MYH3: variants seen among roughly 807,000 people sequenced by gnomAD.
MYH3 encodes the protein myosin-3.
Under a neutral mutation model 238.0 loss-of-function variants are expected in MYH3, and 130 were observed. The observed-to-expected ratio is 0.55, with a 90% confidence interval of 0.47 to 0.63. The LOEUF (loss-of-function observed/expected upper bound fraction) is 0.63. Ranked by LOEUF, MYH3 falls within the 30% of genes least tolerant of loss-of-function variation. MYH3 has a pLI of 0.00. For missense variants in MYH3, 1,853 were observed against 2,374.9 expected, an observed-to-expected ratio of 0.78 and a Z score of 4.57; for synonymous variants, 880 against 924.1, an observed-to-expected ratio of 0.95 and a Z score of 0.86.
At chr17:10,644,801 G>T (rs2142408893) in intron 12 of MYH3, 99 bp from the exon 13 acceptor site, 1 of 925,874 alleles carries the variant, frequency 1.1e-6, no homozygotes, top group Non-Finnish European at 1.8e-6. Flanking sequence ...TTGGTACATT[G>T]TGCATTCCCT....
At chr17:10,650,333 G>C in intron 6 of MYH3, 41 bp downstream of exon 6, 1 of 1,581,964 alleles carries the variant, frequency 6.3e-7, no homozygotes, top group Non-Finnish European at 8.7e-7. Flanking sequence ...AATAGAGCCA[G>C]TGGCACAGCT....
chr17:10,673,559 C>G, the MYH3 span: 1 of 152,266 alleles, frequency 6.6e-6, no homozygotes. Flanking sequence ...TCTTCTGTAA[C>G]TAAGACGGCC....
At position 10,642,833 on chromosome 17, in the gene MYH3, A is replaced by T. The variant is rs1357281263; in HGVS notation, c.1574T>A (p.Ile525Asn). 3.1e-6 allele frequency: 5 copies of T among 1,613,992 alleles called. No individual in the cohort carries two copies. The highest frequency in any genetic ancestry group is 4.2e-6 in the Non-Finnish European group (5 of 1,179,998). The part of the protein sequence containing the change: ...GMDLAACIEL[I>N]EKPMGIFSIL... ...GGGGATGGAACTGGATACCTTCTCGATGAGCTCGATGCAGGCAGCCAGGTC... is the reference window on the plus strand; with the variant it reads ...GGGGATGGAACTGGATACCTTCTCGTTGAGCTCGATGCAGGCAGCCAGGTC... The change falls in exon 15 of 41, where the codon ATC becomes AAC. Residue 525 changes from isoleucine (I) to asparagine (N), a missense_variant. Physicochemically the swap from Ile to Asn is moderately radical, Grantham distance 149. This residue lies in a region of MYH3 where 678 missense variants were observed against 1,058.9 expected (regional missense o/e 0.64). Coordinates refer to ENST00000583535, the MANE Select transcript of MYH3 (RefSeq NM_002470.4). The surrounding 1 kb of genome is among the most constrained non-coding windows in gnomAD (Gnocchi z 5.4).
chr17:10,639,943 A>C, intron 22 of MYH3, 53 bp downstream of exon 22: 3 of 1,592,918 alleles, frequency 1.9e-6, no homozygotes, highest in Non-Finnish European at 2.6e-6. Flanking sequence ...TTTCTAAATA[A>C]ATAATCAAAT....
In MYH3 at chr17:10,654,843, G is replaced by A; in HGVS notation, c.204+18C>T. 1 of 1,610,632 alleles carries A rather than the reference G, an allele frequency of 6.2e-7. No individual in the cohort carries two copies. The highest frequency in any genetic ancestry group is 8.5e-7 in the Non-Finnish European group (1 of 1,176,802). On this transcript the variant is annotated intron_variant, in intron 3 of 40. Transcript: ENST00000583535. The surrounding 1 kb of genome is among the most constrained non-coding windows in gnomAD (Gnocchi z 4.5). Reference sequence around the variant, plus strand: ...CCAGGTGGAGGGCCAGCAGCCTGTGGAGGGTACAGAGCCTTACCCTGTTGT... The same window carrying A: ...CCAGGTGGAGGGCCAGCAGCCTGTGAAGGGTACAGAGCCTTACCCTGTTGT...
intron 12 of MYH3, 123 bp downstream of exon 12, chr17:10,645,584 A>C: frequency 7.8e-7 from 1 of 1,285,556 alleles, no homozygotes; most frequent in South Asian, 1.2e-5. Flanking sequence ...CAGCCTCCCA[A>C]AGTGCTGGGA....
At chr17:10,645,586 G>C in intron 12 of MYH3, 121 bp downstream of exon 12, 1 of 1,296,736 alleles carries the variant, frequency 7.7e-7, no homozygotes, top group South Asian at 1.2e-5. Flanking sequence ...GCCTCCCAAA[G>C]TGCTGGGATT....
rs78417443 is a variant in MYH3 at position 10,631,456 on chromosome 17, G to A, written c.5286+155C>T. 8.5e-5 allele frequency among the ~76,000 whole-genome samples: 13 copies of A among 152,198 alleles called. No individual in the cohort carries two copies. In the East Asian group the frequency reaches 2.1e-3, roughly 25 times the overall value. On this transcript the variant is annotated intron_variant, in intron 36 of 40. Coordinates refer to ENST00000583535, the MANE Select transcript of MYH3 (RefSeq NM_002470.4). ...CTTATGCCCTTCTTCTAAAGTGCAG[G>A]AGGGAACAGGGGAGTTTGAGCGGAG...
In MYH3 at chr17:10,642,897, T is replaced by C; in HGVS notation, c.1510A>G (p.Lys504Glu). 12 of 1,614,158 alleles carry C rather than the reference T, an allele frequency of 7.4e-6. No individual in the cohort carries two copies. Among genetic ancestry groups the C allele is most frequent in the Non-Finnish European group, 1.0e-5 (12 of 1,180,016 alleles). Reference protein sequence around the residue: ...MFVLEQEEYKKEGIEWTFIDF... With the variant: ...MFVLEQEEYKEEGIEWTFIDF... ...ATGAACGTCCACTCGATGCCTTCCT[T>C]CTTGTACTCCTCCTGCTCCAGCACG... The change falls in exon 15 of 41, where the codon AAG becomes GAG. Residue 504 changes from lysine to glutamate, a missense_variant. By Grantham distance (56) the Lys-to-Glu change is moderately conservative. Transcript: ENST00000583535. The surrounding 1 kb of genome is among the most constrained non-coding windows in gnomAD (Gnocchi z 5.4).
Position 10,640,072 on chromosome 17 carries a change from G to T in MYH3, c.2606C>A (p.Ala869Glu). The T allele has an allele frequency of 6.2e-7, 1 of 1,613,216 alleles. No homozygotes were observed. The change falls in exon 22 of 41, where the codon GCA (alanine) becomes GAA (glutamate). Residue 869 changes from alanine to glutamate, a missense_variant. Ala to Glu is a moderately radical substitution (Grantham distance 107). Transcript: ENST00000583535. ...TTTTTCCTCTAGCTCCTTCCTTTTT[G>T]CCTCCGACTTGGCGAGTTCATCTTT... The part of the protein sequence containing the change: ...KTKDELAKSE[A>E]KRKELEEKLV...
At chr17:10,653,039 C>T (rs907347860) in intron 3 of MYH3, among the ~76,000 whole-genome samples, 6 of 152,114 alleles carry the variant, frequency 3.9e-5, no homozygotes, top group Non-Finnish European at 8.8e-5. Flanking sequence ...GGCTATGGGG[C>T]GGCTTGTGGT....
the MYH3 span, chr17:10,674,991 A>G: frequency 6.6e-6 from 1 of 152,292 alleles, no homozygotes; most frequent in African/African-American, 2.4e-5. Flanking sequence ...CCAACAAGGA[A>G]TGTGCCCACT....
upstream of MYH3, among the ~76,000 whole-genome samples, chr17:10,661,140 C>A (rs1429469236): frequency 6.6e-6 from 1 of 151,604 alleles, no homozygotes; most frequent in African/African-American, 2.4e-5. Flanking sequence ...CCATGCCTGG[C>A]TAATTTTTGT....
chr17:10,654,587 G>A lies in MYH3; in HGVS notation c.204+274C>T, dbSNP rs1802611317. Among the ~76,000 whole-genome samples, 1 of 152,202 alleles carries A rather than the reference G, an allele frequency of 6.6e-6. No individual in the cohort carries two copies. Among genetic ancestry groups the A allele is most frequent in the South Asian group, 2.1e-4 (1 of 4,828 alleles). On this transcript the variant is annotated intron_variant, in intron 3 of 40. Coordinates refer to ENST00000583535, the MANE Select transcript of MYH3 (RefSeq NM_002470.4). The surrounding 1 kb of genome is among the most constrained non-coding windows in gnomAD (Gnocchi z 4.5). ...CACACCCTTGGGACACGTGGAGCTG[G>A]GCCCCTCTGGCCTACAGTGAACGTG...
At chr17:10,664,265 C>T in the MYH3 span, among the ~76,000 whole-genome samples, 1 of 152,032 alleles carries the variant, frequency 6.6e-6, no homozygotes, top group Non-Finnish European at 1.5e-5. Context: ...TCATCTAATG[C>T]TCATGTAAAC....
At chr17:10,648,440 G>C (rs373381129) in intron 8 of MYH3, 117 bp downstream of exon 8, 9 of 864,160 alleles carry the variant, frequency 1.0e-5, no homozygotes, top group East Asian at 9.8e-5. Flanking sequence ...TGGTCTTGTT[G>C]GGTTGTTTTG....
At chr17:10,648,922 G>A (rs745315570) in intron 7 of MYH3, among the ~76,000 whole-genome samples, 3 of 151,978 alleles carry the variant, frequency 2.0e-5, no homozygotes, top group African/African-American at 7.2e-5. Flanking sequence ...TGATCCACCC[G>A]CCTCGGCCTC....
chr17:10,652,822 C>G (rs1481895809), intron 3 of MYH3, among the ~76,000 whole-genome samples: 1 of 151,640 alleles, frequency 6.6e-6, no homozygotes, highest in Non-Finnish European at 1.5e-5. Context: ...GGGGTTTCAC[C>G]GTGTTAGCCA....
Position 10,633,829 on chromosome 17 carries a change from C to T in MYH3, c.4523-114G>A. 2.0e-6 allele frequency: 3 copies of T among 1,520,362 alleles called. No homozygotes were observed. In the East Asian group the frequency reaches 6.7e-5, roughly 34 times the overall value. 94.2% of individuals were successfully genotyped at this position (1,520,362 alleles called of 1,614,324 possible). Reference sequence around the variant, plus strand: ...TTTATTATAATCCTAAGGTTTCCTGCTTCCTAGAGATAAGATATTGTACAG... The same window carrying T: ...TTTATTATAATCCTAAGGTTTCCTGTTTCCTAGAGATAAGATATTGTACAG... On this transcript the variant is annotated intron_variant, in intron 32 of 40. Coordinates refer to ENST00000583535, the MANE Select transcript of MYH3 (RefSeq NM_002470.4).
Sources: allele counts gnomAD v4.1 joint callset (sites outside exome capture counted in the v4.1 genomes callset), GRCh38; gene constraint gnomAD v4.1.1; regional missense constraint gnomAD v4.1.1; non-coding constraint Gnocchi (gnomAD v3.1); transcripts MANE v1.5; gene names NCBI Gene and HGNC (gene_info 2026-07-23, HGNC 2026-07-21).